FOXP1: variants seen among roughly 807,000 people sequenced by gnomAD.
FOXP1 encodes the protein forkhead box protein P1.
Under a neutral mutation model 98.2 loss-of-function variants are expected in FOXP1, and 15 were observed. The ratio of observed to expected loss-of-function variants is 0.15; its 90% CI spans 0.10 to 0.24. The LOEUF is 0.24. FOXP1 is among the 10% of genes least tolerant of loss of function. The pLI is 1.00. For missense variants in FOXP1, 633 were observed against 848.5 expected, an observed-to-expected ratio of 0.75 and a Z score of 3.15; for synonymous variants, 371 against 314.5, an observed-to-expected ratio of 1.18 and a Z score of -1.90.
intron 2 of FOXP1, among the ~76,000 whole-genome samples, chr3:71,516,641 T>C (rs1230271695): frequency 6.6e-6 from 1 of 150,692 alleles, no homozygotes; most frequent in Admixed American, 6.6e-5. Context: ...AGGTCAGGAG[T>C]TCAAGACCCA....
chr3:71,509,045 C>G (rs990556896), intron 2 of FOXP1, among the ~76,000 whole-genome samples: 3 of 152,226 alleles, frequency 2.0e-5, no homozygotes, highest in African/African-American at 7.2e-5. Context: ...TGATACAGCT[C>G]CACTCTCCGT....
intron 2 of FOXP1, among the ~76,000 whole-genome samples, chr3:71,566,567 AATAG>A (rs573845384): frequency 2.2e-4 from 34 of 152,342 alleles, no homozygotes; most frequent in Admixed American, 5.2e-4. Flanking sequence ...CAATTTGGAA[AATAG>A]ATAGGAATGC....
At chr3:71,034,624 T>C (rs1335180389) in intron 11 of FOXP1, among the ~76,000 whole-genome samples, 1 of 152,218 alleles carries the variant, frequency 6.6e-6, no homozygotes, top group Non-Finnish European at 1.5e-5. Context: ...GCATTGTGTC[T>C]GGCACACAGT....
At chr3:71,085,861 C>T (rs1195359702) in intron 7 of FOXP1, among the ~76,000 whole-genome samples, 1 of 151,082 alleles carries the variant, frequency 6.6e-6, no homozygotes, top group African/African-American at 2.4e-5. Context: ...TCCTGAGTAG[C>T]TGGGACCACA....
At chr3:71,419,924 C>T (rs545890021) in intron 3 of FOXP1, among the ~76,000 whole-genome samples, 1 of 151,956 alleles carries the variant, frequency 6.6e-6, no homozygotes, top group Non-Finnish European at 1.5e-5. Flanking sequence ...AAGTGATTCT[C>T]GTGCCTCAGC....
chr3:71,239,546 A>T (rs1305768880), intron 5 of FOXP1, among the ~76,000 whole-genome samples: 1 of 152,160 alleles, frequency 6.6e-6, no homozygotes, highest in Admixed American at 6.6e-5. Flanking sequence ...TCCTTCTCAA[A>T]AACAAAAACA....
intron 5 of FOXP1, among the ~76,000 whole-genome samples, chr3:71,239,791 C>A (rs1292169891): frequency 6.6e-6 from 1 of 152,216 alleles, no homozygotes. Context: ...TTGCTTAACT[C>A]AAACACAACT....
At chr3:71,437,945 G>A (rs924432081) in intron 3 of FOXP1, among the ~76,000 whole-genome samples, 7 of 152,140 alleles carry the variant, frequency 4.6e-5, no homozygotes, top group African/African-American at 9.7e-5. Flanking sequence ...GAGAGCCCAC[G>A]GATCTGCTGA....
intron 3 of FOXP1, among the ~76,000 whole-genome samples, chr3:71,379,704 C>T (rs1434099526): frequency 6.6e-6 from 1 of 152,162 alleles, no homozygotes; most frequent in Admixed American, 6.5e-5. Flanking sequence ...TTTGTTGGGA[C>T]ACCACCATTC....
At position 70,981,460 on chromosome 3, in the gene FOXP1, T is replaced by C. The variant is rs116340274; in HGVS notation, c.1147-3431A>G. On this transcript the variant is annotated intron_variant, in intron 14 of 20. Coordinates refer to ENST00000649528, the MANE Select transcript of FOXP1 (RefSeq NM_001349338.3). ...CAGCTAATTACCAGATAAAAATGTA[T>C]TGTAAGGACTCTAATTAGGAGACGC... 5.7e-3 allele frequency among the ~76,000 whole-genome samples: 867 copies of C among 152,254 alleles called. 9 individuals carry two copies. Among genetic ancestry groups the C allele is most frequent in the African/African-American group, 0.02 (812 of 41,534 alleles).
intron 5 of FOXP1, among the ~76,000 whole-genome samples, chr3:71,242,417 A>T (rs1247493483): frequency 6.6e-6 from 1 of 152,216 alleles, no homozygotes; most frequent in East Asian, 1.9e-4. Flanking sequence ...TGAAACACAC[A>T]GCTGCACTAG....
intron 3 of FOXP1, among the ~76,000 whole-genome samples, chr3:71,376,850 C>T (rs945482282): frequency 3.3e-5 from 5 of 151,618 alleles, no homozygotes; most frequent in South Asian, 2.1e-4. Flanking sequence ...GAAACTGATG[C>T]GAGAAATTGA....
At chr3:71,003,938 G>A (rs933042555) in intron 12 of FOXP1, among the ~76,000 whole-genome samples, 1 of 151,548 alleles carries the variant, frequency 6.6e-6, no homozygotes, top group African/African-American at 2.4e-5. Context: ...GCATGCTTCC[G>A]TGCTCAACTT....
At chr3:71,550,397 G>A (rs1189476262) in intron 2 of FOXP1, among the ~76,000 whole-genome samples, 1 of 152,218 alleles carries the variant, frequency 6.6e-6, no homozygotes, top group Non-Finnish European at 1.5e-5. Context: ...TCTGCAAAAT[G>A]AGGATAACAG....
intron 20 of FOXP1, among the ~76,000 whole-genome samples, chr3:70,965,141 A>C (rs1272318045): frequency 6.6e-6 from 1 of 152,160 alleles, no homozygotes. Flanking sequence ...CATTTGGAAT[A>C]ATGTGGTTTC....
In FOXP1 at chr3:71,380,784, T is replaced by C. The variant is rs182416063; in HGVS notation, c.-167-21540A>G. 3.3e-4 allele frequency among the ~76,000 whole-genome samples: 50 copies of C among 151,320 alleles called. No individual in the cohort carries two copies. In the South Asian group the frequency reaches 5.9e-3, roughly 18 times the overall value. ...TCTTACTGAATATGCATCTCTTCTG[T>C]GGCCTTTCAACCAAACAATTTTCCC... On this transcript the variant is annotated intron_variant, in intron 3 of 20. Transcript: ENST00000649528.
At chr3:71,329,482 G>A (rs4578988) in intron 4 of FOXP1, among the ~76,000 whole-genome samples, 91,751 of 151,162 alleles carry the variant, frequency 0.61, 30,552 homozygotes, top group East Asian at 0.9. Flanking sequence ...GCCTCCCAAA[G>A]TGCTGGGATT....
At chr3:71,332,058 C>A (rs1233944962) in intron 4 of FOXP1, 1 of 152,234 alleles carries the variant, frequency 6.6e-6, no homozygotes, top group Admixed American at 6.5e-5. Flanking sequence ...AAAAAGCAGG[C>A]TGCCCGAGCC....
intron 6 of FOXP1, among the ~76,000 whole-genome samples, chr3:71,184,548 G>C (rs1023488741): frequency 6.6e-6 from 1 of 152,156 alleles, no homozygotes; most frequent in Non-Finnish European, 1.5e-5. Flanking sequence ...CAGAGCTGGC[G>C]TGTACAGTGC....
Sources: allele counts gnomAD v4.1 joint callset (sites outside exome capture counted in the v4.1 genomes callset), GRCh38; gene constraint gnomAD v4.1.1; transcripts MANE v1.5; gene names NCBI Gene and HGNC (gene_info 2026-07-23, HGNC 2026-07-21).